USP13: variants seen among roughly 807,000 people sequenced by gnomAD.
USP13 encodes ubiquitin carboxyl-terminal hydrolase 13.
Under a neutral mutation model 107.8 loss-of-function variants are expected in USP13, and 68 were observed. The ratio of observed to expected loss-of-function variants is 0.63; its 90% CI spans 0.52 to 0.77. The LOEUF (loss-of-function observed/expected upper bound fraction) is 0.77. Ranked by LOEUF, USP13 falls within the 30% of genes least tolerant of loss-of-function variation. The pLI is 0.00. For synonymous variants in USP13, 377 were observed against 389.5 expected (o/e 0.97, Z 0.38); for missense variants, 945 against 1,093.3 (o/e 0.86, Z 1.91).
At chr3:179,778,358 A>G (rs1438674406) in intron 19 of USP13, among the ~76,000 whole-genome samples, 1 of 152,238 alleles carries the variant, frequency 6.6e-6, no homozygotes. Context: ...TGTGCAAAGC[A>G]CTGTTCTCTG....
chr3:179,770,785 T>C (rs1234302670), intron 19 of USP13, among the ~76,000 whole-genome samples: 1 of 152,068 alleles, frequency 6.6e-6, no homozygotes, highest in Non-Finnish European at 1.5e-5. Context: ...TTATACTGTT[T>C]TTAGTACAGA....
intron 2 of USP13, among the ~76,000 whole-genome samples, chr3:179,685,029 A>G (rs1412432221): frequency 6.6e-6 from 1 of 152,192 alleles, no homozygotes; most frequent in East Asian, 1.9e-4. Flanking sequence ...CTTAGCACTT[A>G]ACAGTGCCTA....
At chr3:179,735,700 A>G (rs1713972481) in intron 10 of USP13, among the ~76,000 whole-genome samples, 1 of 152,034 alleles carries the variant, frequency 6.6e-6, no homozygotes, top group East Asian at 1.9e-4. Flanking sequence ...TAACTATAAT[A>G]CCTTCTTTCT....
intron 1 of USP13, among the ~76,000 whole-genome samples, chr3:179,656,794 G>A (rs1720275652): frequency 6.6e-6 from 1 of 152,130 alleles, no homozygotes; most frequent in Non-Finnish European, 1.5e-5. Context: ...GCTTGTCTCT[G>A]CCTTTGAGTG....
intron 4 of USP13, among the ~76,000 whole-genome samples, chr3:179,702,314 C>G (rs947749187): frequency 7.9e-4 from 120 of 152,276 alleles, no homozygotes; most frequent in African/African-American, 2.7e-3. Flanking sequence ...CCACCGCGCC[C>G]GGCCTGGTCT....
intron 19 of USP13, among the ~76,000 whole-genome samples, chr3:179,772,727 T>G (rs73056689): frequency 6.6e-6 from 1 of 152,344 alleles, no homozygotes; most frequent in Admixed American, 6.5e-5. Context: ...TGATTTACAC[T>G]GAAGGATAAA....
At chr3:179,774,167 T>G (rs1201843828) in intron 19 of USP13, among the ~76,000 whole-genome samples, 1 of 151,942 alleles carries the variant, frequency 6.6e-6, no homozygotes, top group African/African-American at 2.4e-5. Context: ...AGAAGAGGTG[T>G]CATGTTTTTT....
At chr3:179,693,457 A>G (rs1411678384) in intron 3 of USP13, among the ~76,000 whole-genome samples, 5 of 151,688 alleles carry the variant, frequency 3.3e-5, no homozygotes, top group Admixed American at 6.6e-5. Context: ...CTGGCCAGGA[A>G]GTTATTTTTT....
At chr3:179,697,536 GTTTATA>G (rs1032130209) in intron 3 of USP13, among the ~76,000 whole-genome samples, 14 of 152,092 alleles carry the variant, frequency 9.2e-5, no homozygotes, top group Non-Finnish European at 1.8e-4. Context: ...TCAAAGCAGA[GTTTATA>G]TTTATTTATT....
chr3:179,758,125 A>T (rs1042235028), intron 16 of USP13, among the ~76,000 whole-genome samples: 2 of 152,142 alleles, frequency 1.3e-5, no homozygotes, highest in African/African-American at 2.4e-5. Flanking sequence ...AGGGCAAAGC[A>T]GGTGACATTT....
chr3:179,721,682 T>C lies in USP13; in HGVS notation c.1088+93T>C. On this transcript the variant is annotated intron_variant, in intron 8 of 20. Transcript: ENST00000263966. The surrounding 1 kb of genome is among the most constrained non-coding windows in gnomAD (Gnocchi z 4.3). The stretch of plus-strand genomic sequence containing the variant: ...GTGTGCGCTGCGAAGCCCATCTTTA[T>C]TGCTTCAGGACATTTTGCCACCTTT... The C allele has an allele frequency of 7.3e-7, 1 of 1,361,206 alleles. No individual in the cohort carries two copies. Among genetic ancestry groups the C allele is most frequent in the Non-Finnish European group, 9.9e-7 (1 of 1,005,672 alleles). 84.3% of individuals were successfully genotyped at this position (1,361,206 alleles called of 1,614,324 possible). A position where few individuals can be genotyped will look rare whatever the true frequency, so the allele number is the denominator to read the frequency against.
chr3:179,758,938 T>C lies in USP13; in HGVS notation c.1948+1860T>C, dbSNP rs545543492. On this transcript the variant is annotated intron_variant, in intron 16 of 20. Coordinates refer to ENST00000263966, the MANE Select transcript of USP13 (RefSeq NM_003940.3). ...TGTTGACATTTGGAGTATATCCTTC[T>C]ATTATTGTGCCTGGCTCACTTTATT... Among the ~76,000 whole-genome samples the C allele has an allele frequency of 2.7e-5, 4 of 150,048 alleles. No individual in the cohort carries two copies. The East Asian group carries it at 7.7e-4, about 29-fold the overall frequency.
At chr3:179,661,062 G>T (rs1349966324) in intron 1 of USP13, among the ~76,000 whole-genome samples, 2 of 152,170 alleles carry the variant, frequency 1.3e-5, no homozygotes, top group African/African-American at 4.8e-5. Context: ...CTTTTGAAAT[G>T]ATGTCATTGC....
At position 179,678,434 on chromosome 3, in the gene USP13, C is replaced by G. The variant is rs548138693; in HGVS notation, c.169-3444C>G. Among the ~76,000 whole-genome samples the G allele has an allele frequency of 6.6e-6, 1 of 151,960 alleles. No individual in the cohort carries two copies. Among genetic ancestry groups the G allele is most frequent in the East Asian group, 1.9e-4 (1 of 5,180 alleles). ...TTCAGGTAAAGGCAGAAAAGTTATCCACAAGCACAAGCTATATTATAATTA... is the reference window on the plus strand; with the variant it reads ...TTCAGGTAAAGGCAGAAAAGTTATCGACAAGCACAAGCTATATTATAATTA... On this transcript the variant is annotated intron_variant, in intron 1 of 20. Transcript: ENST00000263966. This position sits in a 1 kb window ranked among gnomAD's most constrained non-coding sequence, Gnocchi z 4.2.
chr3:179,694,871 C>T (rs946724972), intron 3 of USP13, among the ~76,000 whole-genome samples: 3 of 151,846 alleles, frequency 2.0e-5, no homozygotes, highest in Non-Finnish European at 4.4e-5. Context: ...AGTCTAATCT[C>T]CCAGCAGAGT....
intron 1 of USP13, 151 bp from the exon 2 acceptor site, chr3:179,681,727 G>A (rs1711660405): frequency 2.0e-6 from 2 of 989,920 alleles, no homozygotes; most frequent in Non-Finnish European, 3.0e-6. Context: ...AGTCACTTGG[G>A]TTAAAACAAG....
chr3:179,774,678 A>G (rs1715458493), intron 19 of USP13, among the ~76,000 whole-genome samples: 1 of 152,208 alleles, frequency 6.6e-6, no homozygotes, highest in African/African-American at 2.4e-5. Flanking sequence ...TGCAAAGAGC[A>G]AAAGAACAAA....
Position 179,706,019 on chromosome 3 carries a change from G to A in USP13, c.478-915G>A, listed in dbSNP as rs1413601577. Among the ~76,000 whole-genome samples, 4 of 152,064 alleles carry A rather than the reference G, an allele frequency of 2.6e-5. No individual in the cohort carries two copies. In the East Asian group the frequency reaches 5.8e-4, roughly 22 times the overall value. ...ATTACAGGTGTGAGCCACCATGCCC[G>A]GCCCCATTTTTTTGATTATTCTAAA... On this transcript the variant is annotated intron_variant, in intron 4 of 20. Coordinates refer to ENST00000263966, the MANE Select transcript of USP13 (RefSeq NM_003940.3).
intron 10 of USP13, among the ~76,000 whole-genome samples, chr3:179,732,995 T>C (rs1326044607): frequency 6.6e-6 from 1 of 152,232 alleles, no homozygotes; most frequent in East Asian, 1.9e-4. Context: ...AATTTCCATC[T>C]TCTCTTAACC....
Sources: gnomAD v4.1 joint callset for allele counts (sites outside exome capture counted in the v4.1 genomes callset) on GRCh38, gnomAD v4.1.1 for gene constraint, Gnocchi (gnomAD v3.1) non-coding constraint, MANE v1.5 for transcripts, NCBI Gene and HGNC (gene_info 2026-07-23, HGNC 2026-07-21) for gene names.